The following TTC7A variants were observed in gnomAD, a reference collection of about 807,000 sequenced individuals.
TTC7A encodes tetratricopeptide repeat protein 7A.
Under a neutral mutation model 103.7 loss-of-function variants are expected in TTC7A, and 110 were observed. The observed-to-expected ratio is 1.06, with a 90% CI of 0.91 to 1.24. TTC7A has a LOEUF of 1.24. TTC7A is among the 50% of genes most tolerant of loss of function. The probability of loss-of-function intolerance (pLI) is 0.00; values close to 1 mark genes in which losing one functional copy is unlikely to be tolerated. For synonymous variants in TTC7A, 521 were observed against 467.9 expected, an observed-to-expected ratio of 1.11 and a Z score of -1.47; for missense variants, 1,340 against 1,116.3, an observed-to-expected ratio of 1.20 and a Z score of -2.86.
In TTC7A at chr2:47,073,922, G is replaced by A; in HGVS notation, c.2576G>A (p.Ter859=). Residue 859 remains the stop codon, a stop_retained_variant, in exon 20 of 20, where the codon TGA becomes TAA. Coordinates refer to ENST00000319190, the MANE Select transcript of TTC7A (RefSeq NM_020458.4). ...TTCTCCATCATCCCCAGAGAGCTCT[G>A]ACGACGCTGCAGCCGCAGGGAGGGA... ...LPFSIIPREL[*] is the part of the protein sequence containing the mutation. The A allele has an allele frequency of 6.2e-7, 1 of 1,608,994 alleles. No individual in the cohort carries two copies. Among genetic ancestry groups the A allele is most frequent in the Non-Finnish European group, 8.5e-7 (1 of 1,177,508 alleles).
chr2:46,983,941 G>A (rs563473750), intron 5 of TTC7A, among the ~76,000 whole-genome samples: 1 of 152,288 alleles, frequency 6.6e-6, no homozygotes, highest in South Asian at 2.1e-4. Flanking sequence ...GTGGGGAGGG[G>A]ACAGTTCTAA....
intron 19 of TTC7A, among the ~76,000 whole-genome samples, chr2:47,065,161 C>T (rs1356596574): frequency 6.6e-6 from 1 of 152,146 alleles, no homozygotes; most frequent in Non-Finnish European, 1.5e-5. Flanking sequence ...GTGGTGGGCG[C>T]CTGTAGTCCC....
At chr2:47,045,995 G>A (rs1682275530) in intron 15 of TTC7A, among the ~76,000 whole-genome samples, 1 of 152,200 alleles carries the variant, frequency 6.6e-6, no homozygotes, top group Non-Finnish European at 1.5e-5. Context: ...AGAGCAAACC[G>A]AGCAAGACCA....
chr2:46,974,782 T>C, intron 3 of TTC7A, 191 bp from the exon 4 acceptor site: 3 of 724,672 alleles, frequency 4.1e-6, no homozygotes, highest in Non-Finnish European at 6.9e-6. Context: ...TGCTGTCCCA[T>C]CGCTTACTCC....
At chr2:46,996,827 C>T (rs1676241740) in intron 8 of TTC7A, among the ~76,000 whole-genome samples, 1 of 152,180 alleles carries the variant, frequency 6.6e-6, no homozygotes, top group East Asian at 1.9e-4. Context: ...TGACCACAGA[C>T]TGAATCCTAG....
Sources: allele counts gnomAD v4.1 joint callset (sites outside exome capture counted in the v4.1 genomes callset), GRCh38; gene constraint gnomAD v4.1.1; transcripts MANE v1.5; gene names NCBI Gene and HGNC (gene_info 2026-07-23, HGNC 2026-07-21).